Variants in UBA6 observed in about 807,000 individuals in gnomAD.
UBA6 encodes ubiquitin like modifier activating enzyme 6, also known as ubiquitin-like modifier-activating enzyme 6.
Under a neutral mutation model 148.3 loss-of-function variants are expected in UBA6, and 87 were observed. The observed-to-expected ratio is 0.59, with a 90% CI of 0.49 to 0.70. The LOEUF is 0.70. Among genes scored for constraint, UBA6 ranks in the 30% least tolerant of loss-of-function variants. The pLI, the probability that UBA6 is intolerant of heterozygous loss-of-function variation, is 0.00. For missense variants in UBA6, 1,186 were observed against 1,241.2 expected (o/e 0.96, Z 0.67); for synonymous variants, 376 against 401.0 (o/e 0.94, Z 0.75).
intron 27 of UBA6, among the ~76,000 whole-genome samples, chr4:67,627,024 G>A (rs1334902243): frequency 6.6e-6 from 1 of 151,906 alleles, no homozygotes; most frequent in Non-Finnish European, 1.5e-5. Context: ...CTGCTGTTAA[G>A]TTTTTTCCTT....
chr4:67,690,800 C>A (rs1730677227), intron 2 of UBA6, among the ~76,000 whole-genome samples: 1 of 151,966 alleles, frequency 6.6e-6, no homozygotes, highest in Admixed American at 6.6e-5. Context: ...CAAAACATAA[C>A]AAGTATTGGC....
intron 2 of UBA6, among the ~76,000 whole-genome samples, chr4:67,682,734 G>T (rs72642389): frequency 0.15 from 23,060 of 152,024 alleles, 1,822 homozygotes; most frequent in South Asian, 0.22. Context: ...AAAAATATAC[G>T]TTAGTAATTT....
chr4:67,637,910 G>T (rs911984991), intron 19 of UBA6, among the ~76,000 whole-genome samples: 4 of 149,120 alleles, frequency 2.7e-5, no homozygotes, highest in Non-Finnish European at 4.4e-5. Flanking sequence ...ATCCCCCTAT[G>T]CGAGAAACAC....
At chr4:67,631,607 A>C in intron 25 of UBA6, 101 bp downstream of exon 25, 1 of 897,728 alleles carries the variant, frequency 1.1e-6, no homozygotes. Context: ...ATAATTTAAC[A>C]TTAAAGAGCC....
intron 32 of UBA6, among the ~76,000 whole-genome samples, chr4:67,621,189 G>A (rs534473523): frequency 1.8e-4 from 28 of 152,140 alleles, no homozygotes; most frequent in African/African-American, 6.5e-4. Context: ...AGATACTGAG[G>A]GATCCTAATG....
intron 1 of UBA6, among the ~76,000 whole-genome samples, chr4:67,698,994 T>C (rs1036265329): frequency 2.3e-4 from 35 of 151,926 alleles, no homozygotes; most frequent in Non-Finnish European, 4.9e-4. Context: ...AAAAAAACCC[T>C]GTTAAATGAA....
In UBA6 at chr4:67,668,773, T is replaced by G. The variant is rs554424494; in HGVS notation, c.670-99A>C. ...AAAAATGACAAAGTTACCATAAAATTCTCAAAACCGAAATTCTAAGCTATT... is the reference window on the plus strand; with the variant it reads ...AAAAATGACAAAGTTACCATAAAATGCTCAAAACCGAAATTCTAAGCTATT... On this transcript the variant is annotated intron_variant, in intron 8 of 32. Transcript: ENST00000322244. The G allele has an allele frequency of 4.1e-4, 475 of 1,168,820 alleles. 5 individuals are homozygous for G. In the African/African-American group the frequency reaches 6.5e-3, roughly 16 times the overall value. The allele number at this position is 1,168,820 out of a possible 1,614,324, so 72.4% of individuals were successfully genotyped here.
chr4:67,681,968 G>A (rs917027039), intron 3 of UBA6, 151 bp downstream of exon 3: 11 of 639,478 alleles, frequency 1.7e-5, no homozygotes, highest in Admixed American at 2.9e-5. Context: ...ATAACATCAC[G>A]AAATAGTCTT....
At position 67,685,633 on chromosome 4, in the gene UBA6, C is replaced by T. The variant is rs149267595; in HGVS notation, c.135-3420G>A. ...TGTGTTGGAAACTTAAACCCCGTTACGTAGGACCTAATGGGAGGTGTTGCC... is the reference window on the plus strand; with the variant it reads ...TGTGTTGGAAACTTAAACCCCGTTATGTAGGACCTAATGGGAGGTGTTGCC... On this transcript the variant is annotated intron_variant, in intron 2 of 32. Transcript: ENST00000322244. Among the ~76,000 whole-genome samples, 684 of 152,258 alleles carry T rather than the reference C, an allele frequency of 4.5e-3. 3 individuals are homozygous for T. The highest frequency in any genetic ancestry group is 5.6e-3 in the Non-Finnish European group (382 of 68,022).
chr4:67,643,515 G>A (rs986691804), intron 17 of UBA6, among the ~76,000 whole-genome samples: 1 of 151,930 alleles, frequency 6.6e-6, no homozygotes, highest in Admixed American at 6.5e-5. Flanking sequence ...CCCTTACCCT[G>A]GTGTGGTACA....
At chr4:67,687,036 T>C (rs1730587527) in intron 2 of UBA6, among the ~76,000 whole-genome samples, 1 of 135,276 alleles carries the variant, frequency 7.4e-6, no homozygotes, top group Non-Finnish European at 1.5e-5. Flanking sequence ...AAGACTATGT[T>C]TTTTTTTTTT....
At chr4:67,680,616 AG>A (rs1365899842) in intron 4 of UBA6, among the ~76,000 whole-genome samples, 2 of 152,328 alleles carry the variant, frequency 1.3e-5, no homozygotes, top group East Asian at 3.9e-4. Context: ...AACTCTAACT[AG>A]ACATTTGATG....
chr4:67,659,950 G>C (rs1729808937), intron 13 of UBA6, among the ~76,000 whole-genome samples: 1 of 152,150 alleles, frequency 6.6e-6, no homozygotes, highest in Non-Finnish European at 1.5e-5. Flanking sequence ...TAAAGAGACT[G>C]GTGGCATTTT....
In UBA6 at chr4:67,663,946, T is replaced by TC. The variant is rs781330705; in HGVS notation, c.898dup (p.Glu300GlyfsTer18). 1.2e-6 allele frequency: 2 copies of TC among 1,611,880 alleles called. No homozygotes were observed. On this transcript the variant is annotated frameshift_variant and splice_region_variant, in exon 11 of 33. Transcript: ENST00000322244. LOFTEE classifies it high-confidence loss of function. ...ATGTTTTAACTGCCTCTCCAGTGATTCCTGATAGGAAGGAAAAAGTCATTA... is the reference window on the plus strand; with the variant it reads ...ATGTTTTAACTGCCTCTCCAGTGATTCCCTGATAGGAAGGAAAAAGTCATTA...
At chr4:67,636,632 G>C (rs993934883) in intron 19 of UBA6, among the ~76,000 whole-genome samples, 1 of 152,262 alleles carries the variant, frequency 6.6e-6, no homozygotes, top group African/African-American at 2.4e-5. Context: ...AACAGTGAGT[G>C]ATCTGCCAGC....
rs1245437733 is a variant in UBA6 at position 67,618,187 on chromosome 4, C to A, written c.*810G>T. 3.3e-5 allele frequency: 5 copies of A among 152,272 alleles called. No individual in the cohort carries two copies. The highest frequency in any genetic ancestry group is 6.6e-5 in the Admixed American group (1 of 15,248). 9.4% of individuals were successfully genotyped at this position (152,272 alleles called of 1,614,324 possible). On this transcript the variant is annotated 3_prime_UTR_variant, in exon 33 of 33. Transcript: ENST00000322244. ...AATCTTTTAGTTTTATATATTAGGA[C>A]AATCAGGTTTAGAGTCTCACATAAA...
intron 7 of UBA6, among the ~76,000 whole-genome samples, chr4:67,671,517 T>C (rs1730148319): frequency 6.6e-6 from 1 of 151,926 alleles, no homozygotes; most frequent in Non-Finnish European, 1.5e-5. Flanking sequence ...AAAGAGCATA[T>C]AAATTACGTA....
At chr4:67,680,551 G>A (rs2109949355) in intron 4 of UBA6, among the ~76,000 whole-genome samples, 1 of 152,316 alleles carries the variant, frequency 6.6e-6, no homozygotes, top group South Asian at 2.1e-4. Flanking sequence ...CTTGGATCCT[G>A]ATTAGAATGA....
chr4:67,666,122 T>C (rs562301623), intron 9 of UBA6, among the ~76,000 whole-genome samples: 1 of 152,024 alleles, frequency 6.6e-6, no homozygotes. Context: ...CAGGAGGCTA[T>C]AGTGTGCTAA....
Sources: allele counts gnomAD v4.1 joint callset (sites outside exome capture counted in the v4.1 genomes callset), GRCh38; gene constraint gnomAD v4.1.1; transcripts MANE v1.5; gene names NCBI Gene and HGNC (gene_info 2026-07-23, HGNC 2026-07-21).